SLA: variants seen among roughly 807,000 people sequenced by gnomAD.
SLA encodes the protein src-like-adapter.
Under a neutral mutation model 30.3 loss-of-function variants are expected in SLA, and 16 were observed. The observed-to-expected ratio is 0.53, with a 90% CI of 0.36 to 0.80. SLA has a LOEUF of 0.80. Among genes scored for constraint, SLA ranks in the 30% least tolerant of loss-of-function variants. The probability of loss-of-function intolerance (pLI) is 0.01; values close to 1 mark genes in which losing one functional copy is unlikely to be tolerated. For missense variants in SLA, 310 were observed against 345.2 expected (o/e 0.90, Z 0.81); for synonymous variants, 143 against 137.8 (o/e 1.04, Z -0.26).
chr8:133,052,268 GATAA>G (rs1329015877), intron 3 of SLA, among the ~76,000 whole-genome samples: 33 of 152,356 alleles, frequency 2.2e-4, no homozygotes, highest in African/African-American at 7.7e-4. Context: ...CTTATCGATT[GATAA>G]ATAAATTAGA....
In SLA at chr8:133,069,447, C is replaced by T. The variant is rs145570852; in HGVS notation, c.-41+5406G>A. Among the ~76,000 whole-genome samples, 233 of 152,310 alleles carry T rather than the reference C, an allele frequency of 1.5e-3. 1 individual carries two copies. Among genetic ancestry groups the T allele is most frequent in the African/African-American group, 5.4e-3 (224 of 41,572 alleles). On this transcript the variant is annotated intron_variant, in intron 2 of 8. Transcript: ENST00000338087. ...GGCATTTGGTCTAATGGGGCTTGGT[C>T]TCTCTAAAGAGATCTCCATGATGTT...
chr8:133,094,242 C>CTTTTTTT (rs765931953), intron 1 of SLA, among the ~76,000 whole-genome samples: 1 of 126,574 alleles, frequency 7.9e-6, no homozygotes, highest in Non-Finnish European at 1.6e-5. Context: ...CTGTCGTTTT[C>CTTTTTTT]TTTTTTTTTT....
chr8:133,039,575 G>C (rs1837766674), intron 8 of SLA, among the ~76,000 whole-genome samples: 3 of 152,124 alleles, frequency 2.0e-5, no homozygotes, highest in South Asian at 2.1e-4. Context: ...TTTTCTCTTA[G>C]AAAAAACAAA....
Position 133,038,499 on chromosome 8 carries a change from C to G in SLA, c.*25G>C. On this transcript the variant is annotated 3_prime_UTR_variant, in exon 9 of 9. Coordinates refer to ENST00000338087, the MANE Select transcript of SLA (RefSeq NM_001045556.3). ...AGTTGGAACTTCTGTTCCTTTTGGG[C>G]ATGAACCATTGTGTCTGTTCTTGGC... 1 of 1,546,226 alleles carries G rather than the reference C, an allele frequency of 6.5e-7. No homozygotes were observed. The highest frequency in any genetic ancestry group is 1.4e-5 in the African/African-American group (1 of 73,738).
chr8:133,067,568 G>A (rs1284462414), intron 2 of SLA, among the ~76,000 whole-genome samples: 1 of 152,080 alleles, frequency 6.6e-6, no homozygotes, highest in Non-Finnish European at 1.5e-5. Context: ...CTGAGGTCAG[G>A]AGTTCAAGAC....
chr8:133,067,030 C>A (rs957420029), intron 2 of SLA, among the ~76,000 whole-genome samples: 15 of 152,186 alleles, frequency 9.9e-5, no homozygotes, highest in Admixed American at 4.6e-4. Flanking sequence ...TACCCAGTAC[C>A]GGCACAATTG....
intron 2 of SLA, among the ~76,000 whole-genome samples, chr8:133,069,361 C>T (rs1843598181): frequency 6.6e-6 from 1 of 152,252 alleles, no homozygotes; most frequent in Admixed American, 6.5e-5. Context: ...GGGATCTCCC[C>T]TCACTGTCAG....
At chr8:133,042,188 G>A (rs534298760) in intron 7 of SLA, among the ~76,000 whole-genome samples, 1 of 152,222 alleles carries the variant, frequency 6.6e-6, no homozygotes, top group African/African-American at 2.4e-5. Context: ...CAATCTTATT[G>A]ACTCATTCTA....
chr8:133,057,774 C>CAA (rs5895173), intron 3 of SLA, among the ~76,000 whole-genome samples: 26,703 of 141,774 alleles, frequency 0.19, 2,582 homozygotes, highest in Non-Finnish European at 0.23. Context: ...AAACAAAAAA[C>CAA]AAAAAAAAAA....
chr8:133,061,151 C>G (rs572843169), intron 2 of SLA, among the ~76,000 whole-genome samples: 1 of 152,204 alleles, frequency 6.6e-6, no homozygotes, highest in Non-Finnish European at 1.5e-5. Flanking sequence ...GCTGGGATTA[C>G]AGGCACACAT....
chr8:133,058,844 G>A (rs1369310322), intron 3 of SLA, among the ~76,000 whole-genome samples: 1 of 152,178 alleles, frequency 6.6e-6, no homozygotes, highest in Non-Finnish European at 1.5e-5. Context: ...TATCCCTCTT[G>A]CATTTGGCTT....
chr8:133,073,253 C>G (rs1035932614), intron 2 of SLA: 2 of 152,166 alleles, frequency 1.3e-5, no homozygotes, highest in East Asian at 3.8e-4. Context: ...GATTGTAGAT[C>G]TGTTTAAGAT....
chr8:133,074,788 A>T (rs1249246029), intron 2 of SLA, 65 bp downstream of exon 2: 22 of 916,348 alleles, frequency 2.4e-5, no homozygotes, highest in Non-Finnish European at 2.6e-5. Flanking sequence ...ACCCCTGCCA[A>T]CTGCGTGTTG....
chr8:133,048,740 C>G (rs918928368), intron 5 of SLA: 1 of 159,470 alleles, frequency 6.3e-6, no homozygotes, highest in African/African-American at 2.4e-5. Context: ...TGACTCCCAT[C>G]TCTTTCAGAA....
chr8:133,072,235 G>T (rs983519018), intron 2 of SLA, among the ~76,000 whole-genome samples: 1 of 152,188 alleles, frequency 6.6e-6, no homozygotes, highest in Non-Finnish European at 1.5e-5. Flanking sequence ...GAACCACTGA[G>T]CCCCCAACCC....
chr8:133,044,000 C>T (rs1337223889), intron 7 of SLA, among the ~76,000 whole-genome samples: 5 of 152,192 alleles, frequency 3.3e-5, no homozygotes, highest in African/African-American at 7.2e-5. Flanking sequence ...GCACCCTCCC[C>T]ACTTTCCATG....
chr8:133,054,282 A>G (rs1290965881), intron 3 of SLA, among the ~76,000 whole-genome samples: 1 of 152,194 alleles, frequency 6.6e-6, no homozygotes, highest in Non-Finnish European at 1.5e-5. Context: ...ACTTAAGATA[A>G]GGAAACAAAT....
chr8:133,102,508 T>C, intron 1 of SLA, 45 bp downstream of exon 1: 2 of 1,545,376 alleles, frequency 1.3e-6, no homozygotes, highest in Middle Eastern at 3.4e-4. Flanking sequence ...AGGCCACCTA[T>C]GGCCCACCCA....
chr8:133,074,552 C>T (rs976942178), intron 2 of SLA, among the ~76,000 whole-genome samples: 2 of 152,112 alleles, frequency 1.3e-5, no homozygotes, highest in Admixed American at 1.3e-4. Context: ...ATGGCAAATC[C>T]CAATTATCCT....
Sources: gnomAD v4.1 joint callset for allele counts (sites outside exome capture counted in the v4.1 genomes callset) on GRCh38, gnomAD v4.1.1 for gene constraint, MANE v1.5 for transcripts, NCBI Gene and HGNC (gene_info 2026-07-23, HGNC 2026-07-21) for gene names.